The following OGFRL1 variants were observed in gnomAD, a reference collection of about 807,000 sequenced individuals.
The protein encoded by OGFRL1 is opioid growth factor receptor like 1.
In OGFRL1, 26 loss-of-function variants were observed where a neutral mutation model predicts 32.4. The ratio of observed to expected loss-of-function variants is 0.80; its 90% confidence interval spans 0.59 to 1.11. OGFRL1 has a LOEUF of 1.11. OGFRL1 is among the 50% of genes most tolerant of loss of function. OGFRL1 has a pLI of 0.00. For synonymous variants in OGFRL1, 211 were observed against 201.2 expected (o/e 1.05, Z -0.41); for missense variants, 521 against 546.4 (o/e 0.95, Z 0.46).
chr6:71,292,735 C>T lies in OGFRL1; in HGVS notation c.235-558C>T, dbSNP rs1766087477. On this transcript the variant is annotated intron_variant, in intron 1 of 6. Transcript: ENST00000370435. Reference sequence around the variant, plus strand: ...TTCAGTGAACAGATGATTATTCATGCCTTTGTGTACTTGTCATGGTATTAT... The same window carrying T: ...TTCAGTGAACAGATGATTATTCATGTCTTTGTGTACTTGTCATGGTATTAT... 2.6e-5 allele frequency among the ~76,000 whole-genome samples: 4 copies of T among 152,122 alleles called. No individual in the cohort carries two copies. In the South Asian group the frequency reaches 8.3e-4, roughly 32 times the overall value.
At chr6:71,289,660 A>T in intron 1 of OGFRL1, 1 of 983,646 alleles carries the variant, frequency 1.0e-6, no homozygotes. Flanking sequence ...TCAGAAGTGT[A>T]GGCCCTCATC....
rs1766229223 is a variant in OGFRL1, at chr6:71,296,894, GAACAACTAGCAGA to G, written c.692+78_692+90del. The G allele has an allele frequency of 2.2e-5, 33 of 1,502,368 alleles. No homozygotes were observed. The South Asian group carries it at 4.1e-4, about 19-fold the overall frequency. The allele number at this position is 1,502,368 out of a possible 1,614,324, so 93.1% of individuals were successfully genotyped here. On this transcript the variant is annotated intron_variant, in intron 6 of 6. Coordinates refer to ENST00000370435, the MANE Select transcript of OGFRL1 (RefSeq NM_024576.5). ...GGTCAGAGTTCTCTATGAAACGCAG[GAACAACTAGCAGA>G]TGAGATGGGCCCAGGAATTTGGATT...
intron 6 of OGFRL1, among the ~76,000 whole-genome samples, chr6:71,297,851 G>C (rs1465221832): frequency 6.6e-6 from 1 of 151,122 alleles, no homozygotes; most frequent in African/African-American, 2.4e-5. Flanking sequence ...TGTGCACAAC[G>C]TGCAGGTTAG....
intron 1 of OGFRL1, among the ~76,000 whole-genome samples, chr6:71,292,206 A>G (rs1766072251): frequency 6.6e-6 from 1 of 152,202 alleles, no homozygotes; most frequent in African/African-American, 2.4e-5. Flanking sequence ...CTATTTTGAA[A>G]CGTGTGGCAA....
chr6:71,290,292 C>T (rs1766009202), intron 1 of OGFRL1, among the ~76,000 whole-genome samples: 1 of 152,136 alleles, frequency 6.6e-6, no homozygotes, highest in Non-Finnish European at 1.5e-5. Flanking sequence ...GATATCAGCG[C>T]CTTGGACCTG....
At chr6:71,297,501 C>A (rs2149354619) in intron 6 of OGFRL1, among the ~76,000 whole-genome samples, 1 of 152,038 alleles carries the variant, frequency 6.6e-6, no homozygotes, top group Admixed American at 6.6e-5. Context: ...TCTTCATATT[C>A]ACTGTCTATT....
At chr6:71,298,219 G>A (rs561745269) in intron 6 of OGFRL1, among the ~76,000 whole-genome samples, 2 of 151,898 alleles carry the variant, frequency 1.3e-5, no homozygotes, top group East Asian at 1.9e-4. Flanking sequence ...TTAAAGCATA[G>A]GTATATATAC....
rs1344956477 is a variant in OGFRL1, at chr6:71,293,626, A to G, written c.400+15A>G. The G allele has an allele frequency of 6.5e-7, 1 of 1,528,226 alleles. No homozygotes were observed. 94.7% of individuals were successfully genotyped at this position (1,528,226 alleles called of 1,614,324 possible). On this transcript the variant is annotated intron_variant, in intron 3 of 6. Coordinates refer to ENST00000370435, the MANE Select transcript of OGFRL1 (RefSeq NM_024576.5). Reference sequence around the variant, plus strand: ...CAAGCCAGATGGTGAGTAACGTACTACTTGATAAATTGCACTTTAAATAAT... The same window carrying G: ...CAAGCCAGATGGTGAGTAACGTACTGCTTGATAAATTGCACTTTAAATAAT...
chr6:71,295,190 T>C (rs939971377), intron 3 of OGFRL1: 2 of 152,120 alleles, frequency 1.3e-5, no homozygotes, highest in Non-Finnish European at 2.9e-5. Flanking sequence ...GCAATGGTAT[T>C]TATTTATCAG....
Position 71,307,869 on chromosome 6 carries a change from C to T in OGFRL1, c.*5820C>T, listed in dbSNP as rs1442870720. On this transcript the variant is annotated 3_prime_UTR_variant, in exon 7 of 7. Coordinates refer to ENST00000370435, the MANE Select transcript of OGFRL1 (RefSeq NM_024576.5). ...AAAGTCTAGAAACAGCAACAGGAAA[C>T]TCACCACAGAAATAAAGACATAACC... 1.3e-5 allele frequency: 2 copies of T among 152,188 alleles called. No homozygotes were observed. Among genetic ancestry groups the T allele is most frequent in the Non-Finnish European group, 2.9e-5 (2 of 68,042 alleles). 9.4% of individuals were successfully genotyped at this position (152,188 alleles called of 1,614,324 possible).
In OGFRL1 at chr6:71,301,947, G is replaced by C. The variant is rs536739278; in HGVS notation, c.1254G>C (p.Lys418Asn). 1.9e-6 allele frequency: 3 copies of C among 1,613,406 alleles called. No homozygotes were observed. The South Asian group carries it at 3.3e-5, about 18-fold the overall frequency. The change falls in exon 7 of 7, where the codon AAG becomes AAC. Residue 418 changes from lysine (K) to asparagine (N), a missense_variant. Physicochemically the swap from Lys to Asn is moderately conservative, Grantham distance 94 (BLOSUM62 0). Coordinates refer to ENST00000370435, the MANE Select transcript of OGFRL1 (RefSeq NM_024576.5). ...EKTVTTPTEK[K>N]ESVSPENNEE... ...CAGTTACTACTCCCACAGAAAAAAA[G>C]GAGAGTGTATCTCCTGAGAATAACG...
chr6:71,298,225 T>G (rs1472327908), intron 6 of OGFRL1, among the ~76,000 whole-genome samples: 1 of 152,066 alleles, frequency 6.6e-6, no homozygotes, highest in Non-Finnish European at 1.5e-5. Flanking sequence ...CATAGGTATA[T>G]ATACCTCTAC....
rs190110304 is a variant in OGFRL1 at position 71,308,561 on chromosome 6, C to T, written c.*6512C>T. ...GTGGCCACTGGGCCTTCTCTGTGCTCTGTATTCAACTGCAGTATGAATTAC... is the reference window on the plus strand; with the variant it reads ...GTGGCCACTGGGCCTTCTCTGTGCTTTGTATTCAACTGCAGTATGAATTAC... On this transcript the variant is annotated 3_prime_UTR_variant, in exon 7 of 7. Coordinates refer to ENST00000370435, the MANE Select transcript of OGFRL1 (RefSeq NM_024576.5). The T allele has an allele frequency of 1.3e-5, 2 of 152,274 alleles. No individual in the cohort carries two copies. The highest frequency in any genetic ancestry group is 1.9e-4 in the East Asian group (1 of 5,174). The allele number at this position is 152,274 out of a possible 1,614,324, so 9.4% of individuals were successfully genotyped here.
rs779443851 is a variant in OGFRL1, at chr6:71,296,321, T to A, written c.405T>A (p.Val135=). 6.3e-7 allele frequency: 1 copy of A among 1,595,182 alleles called. No homozygotes were observed. The highest frequency in any genetic ancestry group is 8.6e-7 in the Non-Finnish European group (1 of 1,164,338). The change falls in exon 4 of 7, where the codon GTT becomes GTA. Residue 135 remains valine (V), a synonymous_variant. Coordinates refer to ENST00000370435, the MANE Select transcript of OGFRL1 (RefSeq NM_024576.5). ...KNKIPFKPDG[V]YIEEVLSKWK... ...TTTTAAATATTTACTATTTAGGTGT[T>A]TACATTGAAGAAGTTCTAAGTAAAT...
At chr6:71,294,906 A>C (rs1324434571) in intron 3 of OGFRL1, among the ~76,000 whole-genome samples, 1 of 152,168 alleles carries the variant, frequency 6.6e-6, no homozygotes, top group Non-Finnish European at 1.5e-5. Flanking sequence ...TAAAGCTATG[A>C]TAGTATTTAA....
In OGFRL1 at chr6:71,303,294, C is replaced by G. The variant is rs889757641; in HGVS notation, c.*1245C>G. On this transcript the variant is annotated 3_prime_UTR_variant, in exon 7 of 7. Coordinates refer to ENST00000370435, the MANE Select transcript of OGFRL1 (RefSeq NM_024576.5). ...TAACTGCAGAGGGTCCTGGAACCAACCCCCTACAGATATCAAGGGACCACT... is the reference window on the plus strand; with the variant it reads ...TAACTGCAGAGGGTCCTGGAACCAAGCCCCTACAGATATCAAGGGACCACT... The G allele has an allele frequency of 6.6e-6, 1 of 152,182 alleles. No individual in the cohort carries two copies. Among genetic ancestry groups the G allele is most frequent in the Non-Finnish European group, 1.5e-5 (1 of 68,022 alleles). The allele number at this position is 152,182 out of a possible 1,614,324, so 9.4% of individuals were successfully genotyped here. A position where few individuals can be genotyped will look rare whatever the true frequency, so the allele number is the denominator to read the frequency against.
intron 6 of OGFRL1, among the ~76,000 whole-genome samples, chr6:71,297,173 T>C (rs1244374502): frequency 6.6e-6 from 1 of 152,170 alleles, no homozygotes; most frequent in Non-Finnish European, 1.5e-5. Flanking sequence ...TCTTGTAGGC[T>C]GTAAGCTTCT....
At chr6:71,292,242 C>T (rs1051499876) in intron 1 of OGFRL1, among the ~76,000 whole-genome samples, 1 of 152,112 alleles carries the variant, frequency 6.6e-6, no homozygotes, top group African/African-American at 2.4e-5. Flanking sequence ...CTTTTCCTTG[C>T]TTATGTAACA....
At chr6:71,294,885 A>C (rs1277172738) in intron 3 of OGFRL1, among the ~76,000 whole-genome samples, 1 of 152,220 alleles carries the variant, frequency 6.6e-6, no homozygotes, top group Non-Finnish European at 1.5e-5. Flanking sequence ...ACATATTAAA[A>C]ATATTAAACA....
Sources: allele counts gnomAD v4.1 joint callset (sites outside exome capture counted in the v4.1 genomes callset), GRCh38; gene constraint gnomAD v4.1.1; transcripts MANE v1.5; gene names NCBI Gene and HGNC (gene_info 2026-07-23, HGNC 2026-07-21).